Variants in UGT1A7 observed in about 807,000 individuals in gnomAD.
The protein encoded by UGT1A7 is UDP-glucuronosyltransferase 1A7.
A neutral mutation model predicts 45.6 loss-of-function variants in UGT1A7; 33 were observed. That is an observed-to-expected ratio of 0.72 (90% confidence interval 0.55 to 0.97). The LOEUF (loss-of-function observed/expected upper bound fraction) is 0.97, where lower values mean the gene tolerates loss of function less well. Ranked by LOEUF, UGT1A7 falls within the 50% of genes least tolerant of loss-of-function variation. UGT1A7 has a pLI of 0.00. For missense variants in UGT1A7, 684 were observed against 666.2 expected (o/e 1.03, Z -0.29); for synonymous variants, 274 against 250.6 (o/e 1.09, Z -0.88).
At chr2:233,723,129 G>A (rs1366176917) in intron 1 of UGT1A7, among the ~76,000 whole-genome samples, 2 of 137,690 alleles carry the variant, frequency 1.5e-5, no homozygotes, top group Non-Finnish European at 3.1e-5. Context: ...TTTCTGTACA[G>A]TACCAATTCT....
Position 233,765,767 on chromosome 2 carries a change from G to A in UGT1A7, c.856-1267G>A, listed in dbSNP as rs142459833. Among the ~76,000 whole-genome samples, 585 of 151,822 alleles carry A rather than the reference G, an allele frequency of 3.9e-3. 2 individuals are homozygous for A. The highest frequency in any genetic ancestry group is 0.014 in the African/African-American group (559 of 41,374). On this transcript the variant is annotated intron_variant, in intron 1 of 4. Coordinates refer to ENST00000373426, the MANE Select transcript of UGT1A7 (RefSeq NM_019077.3). ...TAAAGCCATTTGAGAGATTCTTGGG[G>A]GATTCATTGGACCACTGAAAATCTA...
At chr2:233,747,515 T>C in intron 1 of UGT1A7, 2 of 1,607,616 alleles carry the variant, frequency 1.2e-6, no homozygotes, top group Non-Finnish European at 1.7e-6. Context: ...AACTGTACTT[T>C]GAAACAGAAC....
At chr2:233,757,102 G>A (rs1696403036) in intron 1 of UGT1A7, among the ~76,000 whole-genome samples, 2 of 151,258 alleles carry the variant, frequency 1.3e-5, no homozygotes, top group South Asian at 4.2e-4. Context: ...GAGGGAGGGG[G>A]CAAGCAGAAG....
chr2:233,693,069 G>A (rs752839678), intron 1 of UGT1A7: 1 of 1,614,148 alleles, frequency 6.2e-7, no homozygotes, highest in Non-Finnish European at 8.5e-7. Flanking sequence ...GCACTTTGGG[G>A]CATGGTTGTA....
intron 1 of UGT1A7, chr2:233,729,631 A>C (rs141036072): frequency 6.2e-7 from 1 of 1,613,646 alleles, no homozygotes; most frequent in Non-Finnish European, 8.5e-7. Context: ...GTCGATTCCT[A>C]CTGTGTTTTT....
rs539398300 is a variant in UGT1A7 at position 233,755,129 on chromosome 2, C to T, written c.856-11905C>T. The T allele has an allele frequency of 4.5e-6, 6 of 1,320,750 alleles. No individual in the cohort carries two copies. The South Asian group carries it at 5.7e-5, about 13-fold the overall frequency. 81.8% of individuals were successfully genotyped at this position (1,320,750 alleles called of 1,614,324 possible). ...ACACCTCGTAGGCCTCAGCCACCTG[C>T]TTGAATCTTCTCACCGCTTCCTCCC... On this transcript the variant is annotated intron_variant, in intron 1 of 4. Transcript: ENST00000373426.
At chr2:233,766,928 C>A in intron 1 of UGT1A7, 106 bp from the exon 2 acceptor site, 12 of 1,578,030 alleles carry the variant, frequency 7.6e-6, no homozygotes, top group Non-Finnish European at 9.4e-6. Context: ...ACACGCATGC[C>A]TTTAATCATA....
chr2:233,690,508 G>T, intron 1 of UGT1A7: 1 of 1,289,314 alleles, frequency 7.8e-7, no homozygotes, highest in South Asian at 1.2e-5. Context: ...ACAGAGATTT[G>T]TTTTATCTTA....
chr2:233,748,148 C>A, intron 1 of UGT1A7: 1 of 1,604,918 alleles, frequency 6.2e-7, no homozygotes, highest in Non-Finnish European at 8.5e-7. Context: ...TATTTACTTA[C>A]AATTGCTTCC....
intron 1 of UGT1A7, among the ~76,000 whole-genome samples, chr2:233,695,847 GT>G (rs912081326): frequency 5.5e-4 from 84 of 152,232 alleles, no homozygotes; most frequent in African/African-American, 1.8e-3. Flanking sequence ...GGTTTTTCCT[GT>G]TTTCTCACTC....
chr2:233,724,124 T>C (rs2077171424), intron 1 of UGT1A7, among the ~76,000 whole-genome samples: 1 of 109,210 alleles, frequency 9.2e-6, no homozygotes. Flanking sequence ...GAGGCGCCCC[T>C]CACCTCCCGG....
chr2:233,694,499 A>G (rs1315589494), intron 1 of UGT1A7, among the ~76,000 whole-genome samples: 1 of 152,222 alleles, frequency 6.6e-6, no homozygotes, highest in African/African-American at 2.4e-5. Flanking sequence ...GTGTTTACAG[A>G]TGCCCTCCTG....
chr2:233,727,152 CTT>C (rs2077588377), intron 1 of UGT1A7, among the ~76,000 whole-genome samples: 1 of 152,188 alleles, frequency 6.6e-6, no homozygotes, highest in South Asian at 2.1e-4. Context: ...ACAGGTCAGT[CTT>C]TCAGGATGCT....
chr2:233,747,881 T>C, intron 1 of UGT1A7: 1 of 1,613,550 alleles, frequency 6.2e-7, no homozygotes, highest in Non-Finnish European at 8.5e-7. Context: ...TGTCCTACCT[T>C]TGCCATGCTC....
Position 233,743,419 on chromosome 2 carries a change from G to A in UGT1A7, c.856-23615G>A, listed in dbSNP as rs577178509. The A allele has an allele frequency of 1.8e-5, 24 of 1,337,466 alleles. No individual in the cohort carries two copies. In the East Asian group the frequency reaches 1.2e-3, roughly 65 times the overall value. The allele number at this position is 1,337,466 out of a possible 1,614,324, so 82.8% of individuals were successfully genotyped here. On this transcript the variant is annotated intron_variant, in intron 1 of 4. Transcript: ENST00000373426. ...GGAAGAAAGGCCCCCACTTCCCAGG[G>A]AGCCAAAGGAACGAAATCCTGTATC... is the stretch of plus-strand genomic sequence containing the variant.
At chr2:233,719,656 T>G in intron 1 of UGT1A7, 1 of 1,614,106 alleles carries the variant, frequency 6.2e-7, no homozygotes, top group Non-Finnish European at 8.5e-7. Flanking sequence ...ATTGGGGGCA[T>G]CAACTGTGCC....
At chr2:233,732,949 A>G (rs1182362779) in intron 1 of UGT1A7, among the ~76,000 whole-genome samples, 5 of 152,116 alleles carry the variant, frequency 3.3e-5, no homozygotes, top group African/African-American at 1.2e-4. Flanking sequence ...TGAGCATGGA[A>G]TGTTCTTCCA....
At chr2:233,752,118 G>A (rs1227638081) in intron 1 of UGT1A7, among the ~76,000 whole-genome samples, 1 of 152,216 alleles carries the variant, frequency 6.6e-6, no homozygotes, top group Non-Finnish European at 1.5e-5. Context: ...AGGAGAAGAA[G>A]ATGATGGACA....
chr2:233,754,469 T>C (rs1695491558), intron 1 of UGT1A7: 1 of 357,106 alleles, frequency 2.8e-6, no homozygotes, highest in Non-Finnish European at 5.5e-6. Flanking sequence ...GTTCTGAAAG[T>C]AAAGTTCACT....
Sources: allele counts gnomAD v4.1 joint callset (sites outside exome capture counted in the v4.1 genomes callset), GRCh38; gene constraint gnomAD v4.1.1; transcripts MANE v1.5; gene names NCBI Gene and HGNC (gene_info 2026-07-23, HGNC 2026-07-21).